Variants in PIEZO2 observed in about 807,000 individuals in gnomAD.
PIEZO2 encodes piezo-type mechanosensitive ion channel component 2.
PIEZO2 carries 172 observed loss-of-function variants against 337.3 expected under a neutral mutation model. The observed-to-expected ratio is 0.51, with a 90% CI of 0.45 to 0.58. PIEZO2 has a LOEUF of 0.58. PIEZO2 is among the 20% of genes least tolerant of loss of function. The pLI, the probability that PIEZO2 is intolerant of heterozygous loss-of-function variation, is 0.00. For missense variants in PIEZO2, 3,028 were observed against 3,391.3 expected (o/e 0.89, Z 2.66); for synonymous variants, 1,251 against 1,228.5 (o/e 1.02, Z -0.38).
intron 36 of PIEZO2, among the ~76,000 whole-genome samples, chr18:10,723,704 G>A (rs1313875597): frequency 6.6e-6 from 1 of 152,160 alleles, no homozygotes; most frequent in African/African-American, 2.4e-5. Flanking sequence ...GACGGGATTG[G>A]ACTGAGTCCT....
chr18:10,734,706 G>A (rs2036928251), intron 35 of PIEZO2, among the ~76,000 whole-genome samples: 1 of 152,186 alleles, frequency 6.6e-6, no homozygotes, highest in Admixed American at 6.5e-5. Flanking sequence ...TGGATCTGTG[G>A]GATTGAGGAG....
Position 10,681,706 on chromosome 18 carries a change from G to A in PIEZO2, c.7734C>T (p.Asp2578=), listed in dbSNP as rs2034272196. The A allele has an allele frequency of 1.2e-6, 2 of 1,611,680 alleles. No homozygotes were observed. Among genetic ancestry groups the A allele is most frequent in the Non-Finnish European group, 1.7e-6 (2 of 1,177,874 alleles). ...GTATAAATTTGTTAAAGCTCTGCTG[G>A]TCCATAACTTTCAACTGGCTTTGTT... ...SAQQSQLKVM[D]QQSFNKFIQA... Residue 2578 remains aspartate (D), a synonymous_variant, in exon 51 of 56, where the codon GAC becomes GAT. Transcript: ENST00000674853.
chr18:10,810,018 C>T (rs2144354023), intron 7 of PIEZO2, among the ~76,000 whole-genome samples: 1 of 152,300 alleles, frequency 6.6e-6, no homozygotes, highest in East Asian at 1.9e-4. Context: ...TGAAGCTTTT[C>T]TCTTTCATGC....
Position 10,770,134 on chromosome 18 carries a change from A to C in PIEZO2, c.2946+14T>G, listed in dbSNP as rs1183596409. The C allele has an allele frequency of 6.5e-7, 1 of 1,537,048 alleles. No homozygotes were observed. Among genetic ancestry groups the C allele is most frequent in the South Asian group, 1.2e-5 (1 of 84,004 alleles). On this transcript the variant is annotated intron_variant, in intron 21 of 55. Transcript: ENST00000674853. The stretch of plus-strand genomic sequence containing the variant: ...GTTCTGTTCAGCCTGATGATAGGAC[A>C]AATGTTCACTTGCCTCTTTCACAGA...
rs893223098 is a variant in PIEZO2, at chr18:11,047,790, G to A, written c.160+18337C>T. The stretch of plus-strand genomic sequence containing the variant: ...ATCTTAAAAGAGCAGTTTTCATTCC[G>A]CAGATGCTATTAGACCCCAGGGAAT... On this transcript the variant is annotated intron_variant, in intron 2 of 55. Coordinates refer to ENST00000674853, the MANE Select transcript of PIEZO2 (RefSeq NM_001378183.1). This position sits in a 1 kb window ranked among gnomAD's most constrained non-coding sequence, Gnocchi z 7.2. Among the ~76,000 whole-genome samples, 29 of 152,094 alleles carry A rather than the reference G, an allele frequency of 1.9e-4. No homozygotes were observed. Among genetic ancestry groups the A allele is most frequent in the Non-Finnish European group, 3.7e-4 (25 of 68,022 alleles).
rs189472084 is a variant in PIEZO2 at position 10,910,962 on chromosome 18, C to T, written c.329+224G>A. 2.5e-3 allele frequency among the ~76,000 whole-genome samples: 382 copies of T among 151,350 alleles called. 2 individuals carry two copies. The highest frequency in any genetic ancestry group is 7.9e-3 in the African/African-American group (326 of 41,248). On this transcript the variant is annotated intron_variant, in intron 4 of 55. Transcript: ENST00000674853. ...CAAGATGCGTTTTCACATCAATTGC[C>T]CCATTCTATCTTTATTTCCACTCTG...
chr18:11,108,465 G>T (rs34109317), intron 1 of PIEZO2, among the ~76,000 whole-genome samples: 83,695 of 150,824 alleles, frequency 0.55, 23,337 homozygotes, highest in East Asian at 0.65. Context: ...AATACAAAAA[G>T]TAGCCGGGCG....
In PIEZO2 at chr18:10,824,241, A is replaced by G. The variant is rs2040603766; in HGVS notation, c.918-16967T>C. The stretch of plus-strand genomic sequence containing the variant: ...TAATTTACGAGAGTAGCAAGAGACA[A>G]GTCTCCATAGTCTGTGGGAAAAAAT... On this transcript the variant is annotated intron_variant, in intron 7 of 55. Transcript: ENST00000674853. The surrounding 1 kb of genome is among the most constrained non-coding windows in gnomAD (Gnocchi z 4.4). Among the ~76,000 whole-genome samples the G allele has an allele frequency of 6.6e-6, 1 of 152,206 alleles. No individual in the cohort carries two copies.
Position 11,028,790 on chromosome 18 carries a change from C to G in PIEZO2, c.160+37337G>C, listed in dbSNP as rs1210155527. Among the ~76,000 whole-genome samples, 1 of 152,156 alleles carries G rather than the reference C, an allele frequency of 6.6e-6. No individual in the cohort carries two copies. The highest frequency in any genetic ancestry group is 1.9e-4 in the East Asian group (1 of 5,182). On this transcript the variant is annotated intron_variant, in intron 2 of 55. Coordinates refer to ENST00000674853, the MANE Select transcript of PIEZO2 (RefSeq NM_001378183.1). The surrounding 1 kb of genome is among the most constrained non-coding windows in gnomAD (Gnocchi z 4.8). The stretch of plus-strand genomic sequence containing the variant: ...GCGTTGGCCATGGTGCTGTGCAGCT[C>G]ATCAGGATTAGTCTTTCTTGTGCTT...
rs1358487044 is a variant in PIEZO2 at position 11,096,415 on chromosome 18, G to A, written c.65-30193C>T. On this transcript the variant is annotated intron_variant, in intron 1 of 55. Coordinates refer to ENST00000674853, the MANE Select transcript of PIEZO2 (RefSeq NM_001378183.1). This position sits in a 1 kb window ranked among gnomAD's most constrained non-coding sequence, Gnocchi z 4.6. ...TGGACATCAGAGCAGAAATCCAGGA[G>A]CCTGGTCCCGGGCTCCACACCTGGT... 1.3e-5 allele frequency among the ~76,000 whole-genome samples: 2 copies of A among 152,216 alleles called. No individual in the cohort carries two copies. The highest frequency in any genetic ancestry group is 2.9e-5 in the Non-Finnish European group (2 of 68,032).
chr18:10,916,569 C>T (rs945309281), intron 3 of PIEZO2, among the ~76,000 whole-genome samples: 18 of 152,162 alleles, frequency 1.2e-4, no homozygotes, highest in Admixed American at 6.5e-4. Flanking sequence ...ACCAGCAGGC[C>T]GCTCTGAGTG....
Position 10,802,043 on chromosome 18 carries a change from G to A in PIEZO2, c.1201-615C>T, listed in dbSNP as rs550260124. 5.0e-3 allele frequency among the ~76,000 whole-genome samples: 662 copies of A among 133,598 alleles called. 1 individual carries two copies. Among genetic ancestry groups the A allele is most frequent in the African/African-American group, 0.017 (604 of 34,754 alleles). 87.6% of individuals were successfully genotyped at this position (133,598 alleles called of 152,430 possible). A position where few individuals can be genotyped will look rare whatever the true frequency, so the allele number is the denominator to read the frequency against. On this transcript the variant is annotated intron_variant, in intron 9 of 55. Transcript: ENST00000674853. ...GGAGCTTGCAGTGAGCCGAGATCCC[G>A]CCACTGCACTCCAGCCTGGGCGACA...
In PIEZO2 at chr18:10,782,280, A is replaced by G. The variant is rs1471841979; in HGVS notation, c.2493-1914T>C. On this transcript the variant is annotated intron_variant, in intron 17 of 55. Transcript: ENST00000674853. ...TATATTATTATATGTAAACAATTAT[A>G]TAATATAATTATAATTATATATAAA... Among the ~76,000 whole-genome samples the G allele has an allele frequency of 1.3e-4, 4 of 30,646 alleles. No individual in the cohort carries two copies. In the Admixed American group the frequency reaches 2.2e-3, roughly 17 times the overall value. 20.1% of individuals were successfully genotyped at this position (30,646 alleles called of 152,430 possible). A position where few individuals can be genotyped will look rare whatever the true frequency, so the allele number is the denominator to read the frequency against.
intron 4 of PIEZO2, among the ~76,000 whole-genome samples, chr18:10,889,833 C>T (rs1479743046): frequency 6.6e-6 from 1 of 152,196 alleles, no homozygotes; most frequent in Non-Finnish European, 1.5e-5. Context: ...TGCTTGGCTG[C>T]CACCCCGTGG....
rs1276896438 is a variant in PIEZO2, at chr18:10,993,948, AC to A, written c.161-14289del. Among the ~76,000 whole-genome samples the A allele has an allele frequency of 5.3e-5, 8 of 152,040 alleles. No homozygotes were observed. Among genetic ancestry groups the A allele is most frequent in the Admixed American group, 2.0e-4 (3 of 15,258 alleles). ...GTAGTTATTTGTGAGATTTTGGTGT[AC>A]CCATCACCCAAGAAGTATACACTGA... On this transcript the variant is annotated intron_variant, in intron 2 of 55. Transcript: ENST00000674853. This position sits in a 1 kb window ranked among gnomAD's most constrained non-coding sequence, Gnocchi z 5.0.
At chr18:10,908,027 G>A (rs994599562) in intron 4 of PIEZO2, among the ~76,000 whole-genome samples, 2 of 152,170 alleles carry the variant, frequency 1.3e-5, no homozygotes, top group Admixed American at 1.3e-4. Flanking sequence ...CCCACAGAGG[G>A]AAAATGTGAT....
chr18:10,829,316 G>T (rs981753363), intron 7 of PIEZO2, among the ~76,000 whole-genome samples: 6 of 151,276 alleles, frequency 4.0e-5, no homozygotes, highest in African/African-American at 1.2e-4. Flanking sequence ...CACAATAAAA[G>T]CCATATATGA....
chr18:10,714,653 C>T, intron 39 of PIEZO2, 111 bp downstream of exon 39: 1 of 1,212,512 alleles, frequency 8.2e-7, no homozygotes, highest in Non-Finnish European at 1.1e-6. Flanking sequence ...GGGTGGGGGT[C>T]CATGCATGGT....
intron 5 of PIEZO2, among the ~76,000 whole-genome samples, chr18:10,869,913 TCACCCAGAC>T (rs1478761026): frequency 2.1e-4 from 31 of 148,272 alleles, no homozygotes; most frequent in African/African-American, 8.0e-4. Context: ...TCTCGCTCTG[TCACCCAGAC>T]TGGAGGGCAG....
Sources: allele counts gnomAD v4.1 joint callset (sites outside exome capture counted in the v4.1 genomes callset), GRCh38; gene constraint gnomAD v4.1.1; non-coding constraint Gnocchi (gnomAD v3.1); transcripts MANE v1.5; gene names NCBI Gene and HGNC (gene_info 2026-07-23, HGNC 2026-07-21).